GABRR2: variants seen among roughly 807,000 people sequenced by gnomAD.
GABRR2 encodes the protein gamma-aminobutyric acid type A receptor subunit rho2.
A neutral mutation model predicts 47.0 loss-of-function variants in GABRR2; 36 were observed. The ratio of observed to expected loss-of-function variants is 0.77; its 90% confidence interval spans 0.59 to 1.01. The LOEUF (loss-of-function observed/expected upper bound fraction) is 1.01, where lower values mean the gene tolerates loss of function less well. GABRR2 is among the 50% of genes least tolerant of loss of function. The pLI is 0.00. For missense variants in GABRR2, 587 were observed against 594.6 expected (o/e 0.99, Z 0.13); for synonymous variants, 204 against 227.5 (o/e 0.90, Z 0.93).
intron 2 of GABRR2, among the ~76,000 whole-genome samples, chr6:89,281,870 C>A (rs1253002789): frequency 6.6e-6 from 1 of 152,166 alleles, no homozygotes; most frequent in East Asian, 1.9e-4. Context: ...AATCCTCTCA[C>A]GCTAGGGCCT....
rs1258129728 is a variant in GABRR2, at chr6:89,255,519, T to C, written c.*2151A>G. ...CATATTTATGCATTTTTGTTCTTCATTGGTCTGTGAGACTGGGAAATCTAG... is the reference window on the plus strand; with the variant it reads ...CATATTTATGCATTTTTGTTCTTCACTGGTCTGTGAGACTGGGAAATCTAG... On this transcript the variant is annotated 3_prime_UTR_variant, in exon 9 of 9. Transcript: ENST00000402938. 3.3e-5 allele frequency among the ~76,000 whole-genome samples: 5 copies of C among 152,166 alleles called. No homozygotes were observed. The highest frequency in any genetic ancestry group is 5.9e-5 in the Non-Finnish European group (4 of 68,024).
At position 89,311,351 on chromosome 6, in the gene GABRR2, C is replaced by T. The variant is rs376557089; in HGVS notation, c.113+3702G>A. On this transcript the variant is annotated intron_variant, in intron 1 of 8. Transcript: ENST00000402938. ...GCGGAAGTCCCAGAATGCCACCCAC[C>T]CCAACAAGAGAGAGATTTAAATCCC... Among the ~76,000 whole-genome samples, 8 of 152,300 alleles carry T rather than the reference C, an allele frequency of 5.3e-5. No homozygotes were observed. In the South Asian group the frequency reaches 6.2e-4, roughly 12 times the overall value.
intron 3 of GABRR2, chr6:89,269,463 G>A: frequency 3.7e-6 from 2 of 544,810 alleles, no homozygotes; most frequent in Non-Finnish European, 6.6e-6. Flanking sequence ...AGCCCCTCAG[G>A]CTTTGCAAAT....
intron 8 of GABRR2, among the ~76,000 whole-genome samples, chr6:89,263,076 G>GA (rs1466531927): frequency 6.6e-6 from 1 of 152,122 alleles, no homozygotes; most frequent in Non-Finnish European, 1.5e-5. Context: ...ACACAGGTTT[G>GA]AACTGTGCAG....
intron 1 of GABRR2, among the ~76,000 whole-genome samples, chr6:89,306,021 TGA>T (rs1767552896): frequency 1.3e-5 from 2 of 150,220 alleles, no homozygotes. Context: ...AATAAATGTG[TGA>T]TGAGAAAAAA....
chr6:89,295,140 C>T lies in GABRR2; in HGVS notation c.220+4619G>A, dbSNP rs559134187. Among the ~76,000 whole-genome samples, 267 of 152,240 alleles carry T rather than the reference C, an allele frequency of 1.8e-3. 1 individual carries two copies. The highest frequency in any genetic ancestry group is 3.4e-3 in the Middle Eastern group (1 of 294). ...CTTTATAGCAGCATGATTTATAATT[C>T]TTTGGGTATATACCCAGTAATGGGA... is the stretch of plus-strand genomic sequence containing the variant. On this transcript the variant is annotated intron_variant, in intron 2 of 8. Transcript: ENST00000402938.
At chr6:89,268,514 G>A (rs922991576) in intron 4 of GABRR2, among the ~76,000 whole-genome samples, 2 of 152,198 alleles carry the variant, frequency 1.3e-5, no homozygotes, top group Non-Finnish European at 2.9e-5. Context: ...CCAGGGGGAT[G>A]TGGGACAATG....
At chr6:89,265,277 T>C (rs1773864955) in intron 7 of GABRR2, among the ~76,000 whole-genome samples, 1 of 152,114 alleles carries the variant, frequency 6.6e-6, no homozygotes, top group South Asian at 2.1e-4. Context: ...GCAAATGAAG[T>C]TTTTGTATTT....
rs56360515 is a variant in GABRR2, at chr6:89,300,745, C to CAAAAAA, written c.114-886_114-881dup. Among the ~76,000 whole-genome samples, 19 of 76,378 alleles carry CAAAAAA rather than the reference C, an allele frequency of 2.5e-4. 4 individuals carry two copies. Among genetic ancestry groups the CAAAAAA allele is most frequent in the East Asian group, 9.5e-4 (2 of 2,096 alleles). The allele number at this position is 76,378 out of a possible 152,430, so 50.1% of individuals were successfully genotyped here. A position where few individuals can be genotyped will look rare whatever the true frequency, so the allele number is the denominator to read the frequency against. ...AATCAATAATAAATAGCGTACCAAC[C>CAAAAAA]AAAAAAAAAAAAAAAAAAAAAGGCC... On this transcript the variant is annotated intron_variant, in intron 1 of 8. Coordinates refer to ENST00000402938, the MANE Select transcript of GABRR2 (RefSeq NM_002043.5).
At chr6:89,305,280 G>A (rs557743041) in intron 1 of GABRR2, among the ~76,000 whole-genome samples, 31 of 152,208 alleles carry the variant, frequency 2.0e-4, no homozygotes, top group African/African-American at 7.0e-4. Context: ...ACTTGAACCC[G>A]AGAGGTGGAG....
intron 2 of GABRR2, among the ~76,000 whole-genome samples, chr6:89,283,179 T>C (rs578000018): frequency 5.6e-5 from 8 of 143,442 alleles, no homozygotes; most frequent in Non-Finnish European, 1.2e-4. Context: ...TTGCACATTT[T>C]TCTATTGGAT....
intron 2 of GABRR2, among the ~76,000 whole-genome samples, chr6:89,276,841 T>C (rs926428521): frequency 2.6e-5 from 4 of 152,206 alleles, no homozygotes; most frequent in African/African-American, 9.7e-5. Flanking sequence ...AGCAGAGTTT[T>C]AAAAAATGAT....
Position 89,274,459 on chromosome 6 carries a change from A to T in GABRR2, c.221-2737T>A, listed in dbSNP as rs546332512. Among the ~76,000 whole-genome samples the T allele has an allele frequency of 9.1e-4, 138 of 152,236 alleles. 2 individuals carry two copies. Among genetic ancestry groups the T allele is most frequent in the Admixed American group, 7.6e-3 (116 of 15,290 alleles). On this transcript the variant is annotated intron_variant, in intron 2 of 8. Coordinates refer to ENST00000402938, the MANE Select transcript of GABRR2 (RefSeq NM_002043.5). ...TGGTCTTTCTTCTTCTTCCATGAAC[A>T]ATTTTATGTTTTGAGTGGGGCTAAG...
intron 2 of GABRR2, among the ~76,000 whole-genome samples, chr6:89,273,637 A>G (rs2127836336): frequency 6.6e-6 from 1 of 152,240 alleles, no homozygotes; most frequent in Middle Eastern, 3.4e-3. Flanking sequence ...CAATTAACCT[A>G]TCTTTCTCCC....
chr6:89,302,689 G>T, intron 1 of GABRR2: 1 of 1,316,652 alleles, frequency 7.6e-7, no homozygotes, highest in South Asian at 1.2e-5. Flanking sequence ...CACCACGGCT[G>T]CTACCTGGCA....
Position 89,302,706 on chromosome 6 carries a change from A to G in GABRR2, c.114-2841T>C, listed in dbSNP as rs1436208463. On this transcript the variant is annotated intron_variant, in intron 1 of 8. Transcript: ENST00000402938. ...CCACGGCTGCTACCTGGCAGTGGCC[A>G]CCGTGTTCCGGGGCTGCCTGTCCAT... 1.8e-5 allele frequency: 24 copies of G among 1,349,056 alleles called. No individual in the cohort carries two copies. The African/African-American group carries it at 2.5e-4, about 14-fold the overall frequency. 83.6% of individuals were successfully genotyped at this position (1,349,056 alleles called of 1,614,324 possible).
intron 2 of GABRR2, among the ~76,000 whole-genome samples, chr6:89,275,570 G>A (rs550446453): frequency 1.3e-5 from 2 of 152,326 alleles, no homozygotes; most frequent in African/African-American, 4.8e-5. Flanking sequence ...CAATGTGCCA[G>A]AAGAAAAACT....
intron 2 of GABRR2, among the ~76,000 whole-genome samples, chr6:89,298,951 A>G (rs1163038625): frequency 6.6e-6 from 1 of 152,154 alleles, no homozygotes. Flanking sequence ...TATGAACAGA[A>G]AGTGGGCCCT....
At chr6:89,298,431 C>G (rs1199199502) in intron 2 of GABRR2, among the ~76,000 whole-genome samples, 2 of 152,162 alleles carry the variant, frequency 1.3e-5, no homozygotes, top group East Asian at 3.8e-4. Context: ...GGGGATTACT[C>G]TCCCCATTTT....
Sources: allele counts gnomAD v4.1 joint callset (sites outside exome capture counted in the v4.1 genomes callset), GRCh38; gene constraint gnomAD v4.1.1; transcripts MANE v1.5; gene names NCBI Gene and HGNC (gene_info 2026-07-23, HGNC 2026-07-21).